Variants in WDFY2 observed in about 807,000 individuals in gnomAD.
WDFY2 encodes WD repeat and FYVE domain-containing protein 2.
In WDFY2, 36 loss-of-function variants were observed where a neutral mutation model predicts 56.4. The ratio of observed to expected loss-of-function variants is 0.64; its 90% CI spans 0.49 to 0.84. The LOEUF (loss-of-function observed/expected upper bound fraction) is 0.84, where lower values mean the gene tolerates loss of function less well. WDFY2 is among the 40% of genes least tolerant of loss of function. WDFY2 has a pLI of 0.00. For synonymous variants in WDFY2, 176 were observed against 183.7 expected (o/e 0.96, Z 0.34); for missense variants, 444 against 512.2 (o/e 0.87, Z 1.29).
chr13:51,729,206 G>A (rs560495666), intron 6 of WDFY2, among the ~76,000 whole-genome samples: 1 of 151,970 alleles, frequency 6.6e-6, no homozygotes, highest in Non-Finnish European at 1.5e-5. Context: ...CAGTAGTCAC[G>A]CTGCCTTGAG....
chr13:51,654,284 T>C (rs1206710391), intron 1 of WDFY2, among the ~76,000 whole-genome samples: 1 of 152,162 alleles, frequency 6.6e-6, no homozygotes, highest in Non-Finnish European at 1.5e-5. Context: ...GTGACCTGAT[T>C]TTCCATGTGC....
At chr13:51,691,089 G>C (rs1439810758) in intron 3 of WDFY2, among the ~76,000 whole-genome samples, 1 of 152,058 alleles carries the variant, frequency 6.6e-6, no homozygotes, top group African/African-American at 2.4e-5. Context: ...GTAGATTCTG[G>C]ATATTAGCCC....
chr13:51,690,905 G>A (rs1332004825), intron 3 of WDFY2, among the ~76,000 whole-genome samples: 1 of 152,230 alleles, frequency 6.6e-6, no homozygotes, highest in South Asian at 2.1e-4. Flanking sequence ...GTGTGAGATG[G>A]TATCTCATAG....
At chr13:51,601,418 C>CT (rs372263587) in intron 1 of WDFY2, among the ~76,000 whole-genome samples, 14,932 of 143,100 alleles carry the variant, frequency 0.1, 975 homozygotes, top group Admixed American at 0.21. Context: ...TAGTAGTTTA[C>CT]TTTTTTTTTT....
At chr13:51,610,592 G>A (rs1399108279) in intron 1 of WDFY2, among the ~76,000 whole-genome samples, 1 of 152,120 alleles carries the variant, frequency 6.6e-6, no homozygotes, top group East Asian at 1.9e-4. Context: ...TTTGCATCCA[G>A]TAATGTTATC....
chr13:51,659,742 C>T (rs979382551), intron 1 of WDFY2, among the ~76,000 whole-genome samples: 10 of 152,206 alleles, frequency 6.6e-5, no homozygotes, highest in Non-Finnish European at 1.3e-4. Context: ...CCATAGCAAG[C>T]CTCATGGACG....
At chr13:51,737,551 T>TA (rs67418551) in intron 6 of WDFY2, among the ~76,000 whole-genome samples, 3,980 of 53,108 alleles carry the variant, frequency 0.075, 219 homozygotes, top group East Asian at 0.21. Context: ...ACAATGAATT[T>TA]AAAAAAAAAA....
intron 11 of WDFY2, 40 bp from the exon 12 acceptor site, chr13:51,759,700 C>T (rs756248236): frequency 5.0e-6 from 8 of 1,610,430 alleles, no homozygotes; most frequent in Non-Finnish European, 6.8e-6. Context: ...ATCCTCAACA[C>T]AATTTTAGTT....
At chr13:51,650,889 T>C (rs1955367477) in intron 1 of WDFY2, among the ~76,000 whole-genome samples, 1 of 152,172 alleles carries the variant, frequency 6.6e-6, no homozygotes, top group Admixed American at 6.5e-5. Context: ...TTTTGTTGTG[T>C]CTCTGCCAGG....
At chr13:51,709,711 T>C (rs1279677230) in intron 4 of WDFY2, among the ~76,000 whole-genome samples, 3 of 152,042 alleles carry the variant, frequency 2.0e-5, no homozygotes. Context: ...CCTGGACACA[T>C]ACACCCTCCC....
intron 3 of WDFY2, among the ~76,000 whole-genome samples, chr13:51,683,480 G>A (rs1956011080): frequency 6.6e-6 from 1 of 152,206 alleles, no homozygotes; most frequent in Non-Finnish European, 1.5e-5. Flanking sequence ...TGTATTGCAA[G>A]GTTTCAAGCC....
At chr13:51,675,702 G>T (rs904271854) in intron 3 of WDFY2, among the ~76,000 whole-genome samples, 1 of 151,940 alleles carries the variant, frequency 6.6e-6, no homozygotes, top group Non-Finnish European at 1.5e-5. Flanking sequence ...GTTTTTTCCA[G>T]CTCCCTTTAG....
intron 1 of WDFY2, among the ~76,000 whole-genome samples, chr13:51,609,020 T>C (rs1954438173): frequency 6.6e-6 from 1 of 152,090 alleles, no homozygotes; most frequent in Admixed American, 6.6e-5. Flanking sequence ...AATGTTGTTG[T>C]GTGTGTGTGG....
chr13:51,740,024 C>T (rs967095111), intron 7 of WDFY2, among the ~76,000 whole-genome samples: 5 of 152,168 alleles, frequency 3.3e-5, no homozygotes, highest in Admixed American at 6.5e-5. Context: ...CAGCCATAAA[C>T]AAATGTTTGT....
intron 3 of WDFY2, among the ~76,000 whole-genome samples, chr13:51,681,078 G>A (rs563996257): frequency 6.6e-6 from 1 of 152,250 alleles, no homozygotes; most frequent in Admixed American, 6.5e-5. Context: ...AGCCTATGGG[G>A]AACTGAACCC....
At chr13:51,734,477 G>T (rs1952792395) in intron 6 of WDFY2, among the ~76,000 whole-genome samples, 1 of 152,148 alleles carries the variant, frequency 6.6e-6, no homozygotes, top group South Asian at 2.1e-4. Context: ...ATATTTATGA[G>T]AGTATATAGT....
At chr13:51,743,782 T>C (rs1953030044) in intron 7 of WDFY2, among the ~76,000 whole-genome samples, 3 of 152,172 alleles carry the variant, frequency 2.0e-5, no homozygotes, top group Admixed American at 2.0e-4. Flanking sequence ...TACTGGAAAG[T>C]GGGAGGCCTC....
chr13:51,751,266 A>G (rs759770195), intron 7 of WDFY2, 44 bp from the exon 8 acceptor site: 1 of 1,593,830 alleles, frequency 6.3e-7, no homozygotes, highest in Non-Finnish European at 8.5e-7. Flanking sequence ...GAGGCCTTGC[A>G]TTTGTTCTCC....
Position 51,763,186 on chromosome 13 carries a change from C to T in WDFY2, c.*3417C>T, listed in dbSNP as rs1448076655. On this transcript the variant is annotated 3_prime_UTR_variant, in exon 12 of 12. Coordinates refer to ENST00000298125, the MANE Select transcript of WDFY2 (RefSeq NM_052950.4). ...TGTTCAAGGAATAGCTGTTTTTGAACATTACTTAGTAATGGCATGAGTGGG... is the reference window on the plus strand; with the variant it reads ...TGTTCAAGGAATAGCTGTTTTTGAATATTACTTAGTAATGGCATGAGTGGG... 6.6e-6 allele frequency: 1 copy of T among 152,182 alleles called. No individual in the cohort carries two copies. Among genetic ancestry groups the T allele is most frequent in the African/African-American group, 2.4e-5 (1 of 41,446 alleles). The allele number at this position is 152,182 out of a possible 1,614,324, so 9.4% of individuals were successfully genotyped here.
Sources: gnomAD v4.1 joint callset for allele counts (sites outside exome capture counted in the v4.1 genomes callset) on GRCh38, gnomAD v4.1.1 for gene constraint, MANE v1.5 for transcripts, NCBI Gene and HGNC (gene_info 2026-07-23, HGNC 2026-07-21) for gene names.